The following PCDHGB2 variants were observed in gnomAD, a reference collection of about 807,000 sequenced individuals.
PCDHGB2 encodes the protein protocadherin gamma-B2.
Under a neutral mutation model 59.3 loss-of-function variants are expected in PCDHGB2, and 55 were observed. The ratio of observed to expected loss-of-function variants is 0.93; its 90% CI spans 0.75 to 1.16. The LOEUF (loss-of-function observed/expected upper bound fraction) is 1.16, where lower values mean the gene tolerates loss of function less well. Ranked by LOEUF, PCDHGB2 falls within the 50% of genes most tolerant of loss-of-function variation. The pLI is 0.00. For missense variants in PCDHGB2, 1,228 were observed against 1,198.5 expected (o/e 1.02, Z -0.36); for synonymous variants, 516 against 512.0 (o/e 1.01, Z -0.11).
intron 1 of PCDHGB2, chr5:141,371,489 C>T (rs548103153): frequency 1.9e-6 from 3 of 1,613,918 alleles, no homozygotes; most frequent in Non-Finnish European, 2.5e-6. Context: ...TGGGGACTGC[C>T]GTTGCCCTGA....
chr5:141,415,197 A>G, intron 1 of PCDHGB2: 1 of 1,614,016 alleles, frequency 6.2e-7, no homozygotes, highest in African/African-American at 1.3e-5. Context: ...GCATCCCCCA[A>G]GTCCTGGCGG....
At chr5:141,478,723 A>C in intron 1 of PCDHGB2, 16 of 1,543,220 alleles carry the variant, frequency 1.0e-5, no homozygotes, top group Non-Finnish European at 1.3e-5. Flanking sequence ...GTGGCCTGCC[A>C]GAGTGTGGTT....
At chr5:141,427,401 G>A (rs2097022075) in intron 1 of PCDHGB2, 1 of 461,400 alleles carries the variant, frequency 2.2e-6, no homozygotes, top group Non-Finnish European at 4.3e-6. Flanking sequence ...ACATGATAAA[G>A]ATTCGAGAGA....
rs745638360 is a variant in PCDHGB2, at chr5:141,410,529, A to G, written c.2421+47973A>G. Reference sequence around the variant, plus strand: ...AAATGCAGTGTGCCCCTACATTCCAATGAAGACATGGTTTGCAGTGTTTCT... The same window carrying G: ...AAATGCAGTGTGCCCCTACATTCCAGTGAAGACATGGTTTGCAGTGTTTCT... On this transcript the variant is annotated intron_variant, in intron 1 of 3. Transcript: ENST00000522605. The G allele has an allele frequency of 3.1e-6, 5 of 1,613,804 alleles. No individual in the cohort carries two copies. The Admixed American group carries it at 5.0e-5, about 16-fold the overall frequency.
chr5:141,433,283 T>A, intron 1 of PCDHGB2: 1 of 1,183,074 alleles, frequency 8.5e-7, no homozygotes, highest in Non-Finnish European at 1.2e-6. Flanking sequence ...AGCCTCAAAC[T>A]CCTAGGCTCA....
intron 1 of PCDHGB2, among the ~76,000 whole-genome samples, chr5:141,436,383 G>C (rs1374382672): frequency 6.6e-6 from 1 of 152,104 alleles, no homozygotes; most frequent in Admixed American, 6.5e-5. Context: ...AGCTGAATAG[G>C]CTTTATTAAA....
At chr5:141,394,530 A>C in intron 1 of PCDHGB2, 1 of 1,614,140 alleles carries the variant, frequency 6.2e-7, no homozygotes, top group African/African-American at 1.3e-5. Flanking sequence ...AGACGGTTCC[A>C]CTGGCGTGGA....
Position 141,511,628 on chromosome 5 carries a change from G to C in PCDHGB2, c.*455G>C, listed in dbSNP as rs4912608. 0.2 allele frequency: 46,780 copies of C among 231,598 alleles called. 5,185 individuals are homozygous for C. The highest frequency in any genetic ancestry group is 0.32 in the Admixed American group (6,204 of 19,590). The allele number at this position is 231,598 out of a possible 1,614,324, so 14.3% of individuals were successfully genotyped here. A position where few individuals can be genotyped will look rare whatever the true frequency, so the allele number is the denominator to read the frequency against. On this transcript the variant is annotated 3_prime_UTR_variant, in exon 4 of 4. Transcript: ENST00000522605. ...CAAGCCTCCTAGTTCTGAAAAGTTG[G>C]AAGGGCATCATGACCTCTTGGCCTC...
At chr5:141,436,042 T>A (rs1246680632) in intron 1 of PCDHGB2, among the ~76,000 whole-genome samples, 4 of 152,182 alleles carry the variant, frequency 2.6e-5, no homozygotes, top group Non-Finnish European at 5.9e-5. Context: ...TGTATTTACA[T>A]TAGTTTTCAA....
chr5:141,362,803 A>C (rs148727944), intron 1 of PCDHGB2, among the ~76,000 whole-genome samples: 2 of 152,166 alleles, frequency 1.3e-5, no homozygotes, highest in African/African-American at 4.8e-5. Context: ...TCATCTTTAC[A>C]TTACTTCTCT....
chr5:141,510,893 G>C (rs1334514746), intron 3 of PCDHGB2, 54 bp from the exon 4 acceptor site: 1 of 1,612,722 alleles, frequency 6.2e-7, no homozygotes, highest in African/African-American at 1.3e-5. Context: ...ATAAGACAGT[G>C]ACTGTTGAGG....
At position 141,490,688 on chromosome 5, in the gene PCDHGB2, C is replaced by A; in HGVS notation, c.2422-4119C>A. ...ACTGTGGCTGCCTCAGATCCAGACA[C>A]TGGGGATAATGCCCGCCTCACCTAC... On this transcript the variant is annotated intron_variant, in intron 1 of 3. Coordinates refer to ENST00000522605, the MANE Select transcript of PCDHGB2 (RefSeq NM_018923.3). The surrounding 1 kb of genome is among the most constrained non-coding windows in gnomAD (Gnocchi z 5.4). The A allele has an allele frequency of 6.2e-7, 1 of 1,614,218 alleles. No individual in the cohort carries two copies. The highest frequency in any genetic ancestry group is 8.5e-7 in the Non-Finnish European group (1 of 1,180,032).
chr5:141,384,596 C>G, intron 1 of PCDHGB2: 1 of 1,614,240 alleles, frequency 6.2e-7, no homozygotes, highest in Non-Finnish European at 8.5e-7. Flanking sequence ...CTGTACCCGG[C>G]CCTCCCCACA....
intron 1 of PCDHGB2, chr5:141,374,357 C>A: frequency 6.2e-7 from 1 of 1,614,018 alleles, no homozygotes; most frequent in Non-Finnish European, 8.5e-7. Flanking sequence ...TAGGATAGAC[C>A]GCGAGGAGCT....
intron 1 of PCDHGB2, chr5:141,383,450 G>T: frequency 6.2e-7 from 1 of 1,613,960 alleles, no homozygotes; most frequent in South Asian, 1.1e-5. Flanking sequence ...GCTGTGCAAA[G>T]TGGAGACGAT....
chr5:141,398,831 C>G (rs1488126013), intron 1 of PCDHGB2: 13 of 1,614,014 alleles, frequency 8.1e-6, no homozygotes, highest in Non-Finnish European at 1.1e-5. Context: ...GTAACCGACG[C>G]CAATGATAAT....
chr5:141,371,025 G>T (rs752262300), intron 1 of PCDHGB2: 9 of 1,613,988 alleles, frequency 5.6e-6, no homozygotes, highest in African/African-American at 1.3e-5. Flanking sequence ...TCACCACCTG[G>T]TCCTCACAGC....
At chr5:141,374,589 G>T (rs1385892757) in intron 1 of PCDHGB2, 1 of 1,613,558 alleles carries the variant, frequency 6.2e-7, no homozygotes, top group Admixed American at 1.7e-5. Context: ...TCCCTTCAGG[G>T]ATTTAAGCTC....
chr5:141,512,942 C>T lies in PCDHGB2; in HGVS notation c.*1769C>T, dbSNP rs1596321854. 3.3e-5 allele frequency: 5 copies of T among 151,644 alleles called. No individual in the cohort carries two copies. The South Asian group carries it at 1.0e-3, about 32-fold the overall frequency. The allele number at this position is 151,644 out of a possible 1,614,324, so 9.4% of individuals were successfully genotyped here. On this transcript the variant is annotated 3_prime_UTR_variant, in exon 4 of 4. Transcript: ENST00000522605. Reference sequence around the variant, plus strand: ...TAATATTTATATGGCTTTTTTTCTTCGACAAAAAAATAATAAAACGTTTCT... The same window carrying T: ...TAATATTTATATGGCTTTTTTTCTTTGACAAAAAAATAATAAAACGTTTCT...
Sources: allele counts gnomAD v4.1 joint callset (sites outside exome capture counted in the v4.1 genomes callset), GRCh38; gene constraint gnomAD v4.1.1; non-coding constraint Gnocchi (gnomAD v3.1); transcripts MANE v1.5; gene names NCBI Gene and HGNC (gene_info 2026-07-23, HGNC 2026-07-21).